Variants in PXYLP1 observed in about 807,000 individuals in gnomAD.
PXYLP1 encodes the protein acid phosphatase-like 2.
A neutral mutation model predicts 37.9 loss-of-function variants in PXYLP1; 17 were observed. The observed-to-expected ratio is 0.45, with a 90% CI of 0.31 to 0.67. PXYLP1 has a LOEUF of 0.67. PXYLP1 is among the 30% of genes least tolerant of loss of function. PXYLP1 has a pLI of 0.07. For synonymous variants in PXYLP1, 221 were observed against 232.2 expected (o/e 0.95, Z 0.44); for missense variants, 511 against 612.0 (o/e 0.84, Z 1.74).
At chr3:141,241,004 A>G (rs948079424) in intron 1 of PXYLP1, among the ~76,000 whole-genome samples, 3 of 152,224 alleles carry the variant, frequency 2.0e-5, no homozygotes, top group Non-Finnish European at 4.4e-5. Context: ...AGAGGAACCT[A>G]TGAGAGCTCC....
intron 4 of PXYLP1, among the ~76,000 whole-genome samples, chr3:141,284,279 A>G (rs542462760): frequency 1.3e-4 from 20 of 152,226 alleles, no homozygotes; most frequent in African/African-American, 3.6e-4. Flanking sequence ...GGATGGCTAC[A>G]TGGTTGAACC....
chr3:141,241,111 A>G (rs6798093), intron 1 of PXYLP1, among the ~76,000 whole-genome samples: 128,884 of 152,142 alleles, frequency 0.85, 55,092 homozygotes, highest in African/African-American at 0.96. Flanking sequence ...AGAGGACACA[A>G]CAAAGAGTAA....
rs1420507803 is a variant in PXYLP1 at position 141,294,061 on chromosome 3, TATG to T, written c.*862_*864del. The T allele has an allele frequency of 3.9e-5, 6 of 152,256 alleles. No individual in the cohort carries two copies. Among genetic ancestry groups the T allele is most frequent in the African/African-American group, 1.2e-4 (5 of 41,464 alleles). The allele number at this position is 152,256 out of a possible 1,614,324, so 9.4% of individuals were successfully genotyped here. On this transcript the variant is annotated 3_prime_UTR_variant, in exon 6 of 6. Coordinates refer to ENST00000286353, the MANE Select transcript of PXYLP1 (RefSeq NM_001037172.3). The stretch of plus-strand genomic sequence containing the variant: ...ACTGATTAGAAGAATACTTGATGTT[TATG>T]ATGATTGTGGTACAAGATAGTTTTA...
At chr3:141,287,212 C>A in intron 4 of PXYLP1, 102 bp from the exon 5 acceptor site, 1 of 1,306,202 alleles carries the variant, frequency 7.7e-7, no homozygotes, top group Non-Finnish European at 1.1e-6. Context: ...ACTGTGGGTG[C>A]AAAAGGCTGC....
chr3:141,232,975 G>T (rs138461976), intron 1 of PXYLP1, among the ~76,000 whole-genome samples: 5 of 151,886 alleles, frequency 3.3e-5, no homozygotes, highest in African/African-American at 1.2e-4. Context: ...GTGTAGGGGG[G>T]TGGATGGGGG....
At chr3:141,248,351 A>C (rs1210806413) in intron 1 of PXYLP1, among the ~76,000 whole-genome samples, 2 of 151,602 alleles carry the variant, frequency 1.3e-5, no homozygotes, top group African/African-American at 2.4e-5. Context: ...CTTATTACCT[A>C]CTTTATTGGC....
At chr3:141,239,608 C>A (rs146591046) in intron 1 of PXYLP1, among the ~76,000 whole-genome samples, 112 of 152,310 alleles carry the variant, frequency 7.4e-4, no homozygotes, top group African/African-American at 2.5e-3. Flanking sequence ...ACTCTACTTA[C>A]ACTAAGTAAT....
In PXYLP1 at chr3:141,267,630, A is replaced by C. The variant is rs927983385; in HGVS notation, c.79+7376A>C. 1.1e-4 allele frequency: 17 copies of C among 149,152 alleles called. No homozygotes were observed. In the South Asian group the frequency reaches 3.7e-3, roughly 32 times the overall value. The allele number at this position is 149,152 out of a possible 1,614,324, so 9.2% of individuals were successfully genotyped here. ...ATATCTGCAGGTGAAAAAAAAAAAAACACCATAGATGAGTGACAAAATTAA... is the reference window on the plus strand; with the variant it reads ...ATATCTGCAGGTGAAAAAAAAAAAACCACCATAGATGAGTGACAAAATTAA... On this transcript the variant is annotated intron_variant, in intron 2 of 5. Transcript: ENST00000286353.
intron 4 of PXYLP1, among the ~76,000 whole-genome samples, chr3:141,284,934 T>C (rs1186053510): frequency 6.6e-6 from 1 of 152,116 alleles, no homozygotes; most frequent in Admixed American, 6.5e-5. Flanking sequence ...CATCCAAGGA[T>C]GGGACACTTC....
chr3:141,260,356 A>T, intron 2 of PXYLP1, 102 bp downstream of exon 2: 2 of 1,336,040 alleles, frequency 1.5e-6, no homozygotes, highest in Non-Finnish European at 2.0e-6. Flanking sequence ...GAGGCTGAAG[A>T]CAACGAAGTC....
rs983848956 is a variant in PXYLP1, at chr3:141,262,642, T to G, written c.79+2388T>G. ...ATTTTGCAGGGTAAATTAGCCTGTC[T>G]GGGTCTGAGCTCTTTATTCTTGGAT... On this transcript the variant is annotated intron_variant, in intron 2 of 5. Transcript: ENST00000286353. The G allele has an allele frequency of 2.6e-6, 4 of 1,516,146 alleles. No homozygotes were observed. The South Asian group carries it at 5.1e-5, about 19-fold the overall frequency. 93.9% of individuals were successfully genotyped at this position (1,516,146 alleles called of 1,614,324 possible).
chr3:141,267,870 T>TGTCTCTCCCTCTCTCC (rs1941557471), intron 2 of PXYLP1, among the ~76,000 whole-genome samples: 1 of 149,758 alleles, frequency 6.7e-6, no homozygotes, highest in Non-Finnish European at 1.5e-5. Context: ...TCCCTCTCTG[T>TGTCTCTCCCTCTCTCC]CTCTCTCCCT....
chr3:141,272,511 G>A (rs1244942118), intron 2 of PXYLP1, among the ~76,000 whole-genome samples: 1 of 134,684 alleles, frequency 7.4e-6, no homozygotes, highest in Non-Finnish European at 1.5e-5. Context: ...GTCGTGTTTT[G>A]CTTAAAGCTG....
At chr3:141,266,221 C>T (rs949830879) in intron 2 of PXYLP1, among the ~76,000 whole-genome samples, 1 of 152,170 alleles carries the variant, frequency 6.6e-6, no homozygotes, top group East Asian at 1.9e-4. Flanking sequence ...AATTTATTTA[C>T]CAAAGTTTTA....
chr3:141,254,975 A>G (rs183594465), intron 1 of PXYLP1, among the ~76,000 whole-genome samples: 2 of 152,336 alleles, frequency 1.3e-5, no homozygotes, highest in East Asian at 3.9e-4. Context: ...CAGCTCTTAC[A>G]AGGTGAAAAA....
At chr3:141,277,134 A>G (rs183955178) in intron 2 of PXYLP1, among the ~76,000 whole-genome samples, 16 of 152,172 alleles carry the variant, frequency 1.1e-4, no homozygotes, top group Admixed American at 1.3e-4. Flanking sequence ...GTTGCCTTTT[A>G]TCTTTGTTTA....
intron 1 of PXYLP1, among the ~76,000 whole-genome samples, chr3:141,259,832 C>T (rs1941348577): frequency 1.3e-5 from 2 of 152,176 alleles, no homozygotes; most frequent in Non-Finnish European, 2.9e-5. Context: ...TTGCGTTTTT[C>T]CTTGGGAAGG....
intron 2 of PXYLP1, among the ~76,000 whole-genome samples, chr3:141,267,878 C>T (rs1941558019): frequency 6.6e-6 from 1 of 151,868 alleles, no homozygotes; most frequent in Non-Finnish European, 1.5e-5. Context: ...TGTCTCTCTC[C>T]CTCTCTCCCT....
In PXYLP1 at chr3:141,275,556, G is replaced by T. The variant is rs1941771056; in HGVS notation, c.80-2786G>T. On this transcript the variant is annotated intron_variant, in intron 2 of 5. Transcript: ENST00000286353. ...GGACTGAGCCAGCCAGAAGGGCCAG[G>T]TCACTAAGAGACTGCCTTAGCACTT... Among the ~76,000 whole-genome samples the T allele has an allele frequency of 2.0e-5, 3 of 152,248 alleles. No homozygotes were observed. The South Asian group carries it at 6.2e-4, about 32-fold the overall frequency.
Sources: allele counts gnomAD v4.1 joint callset (sites outside exome capture counted in the v4.1 genomes callset), GRCh38; gene constraint gnomAD v4.1.1; transcripts MANE v1.5; gene names NCBI Gene and HGNC (gene_info 2026-07-23, HGNC 2026-07-21).